The following FGGY variants were observed in gnomAD, a reference collection of about 807,000 sequenced individuals.
The protein encoded by FGGY is FGGY carbohydrate kinase domain containing.
In FGGY, 72 loss-of-function variants were observed where a neutral mutation model predicts 71.3. The observed-to-expected ratio is 1.01, with a 90% CI of 0.84 to 1.23. The LOEUF (loss-of-function observed/expected upper bound fraction) is 1.23, where lower values mean the gene tolerates loss of function less well. FGGY is among the 50% of genes most tolerant of loss of function. The probability of loss-of-function intolerance (pLI) is 0.00; values close to 1 mark genes in which losing one functional copy is unlikely to be tolerated. For missense variants in FGGY, 668 were observed against 682.3 expected (o/e 0.98, Z 0.23); for synonymous variants, 251 against 250.3 (o/e 1.00, Z -0.02).
At chr1:59,500,134 A>G (rs1443932079) in intron 6 of FGGY, among the ~76,000 whole-genome samples, 8 of 152,190 alleles carry the variant, frequency 5.3e-5, no homozygotes. Context: ...ATTGATAACC[A>G]CGTGAATTCT....
At chr1:59,755,717 G>C (rs2098284094) in intron 14 of FGGY, 1 of 152,198 alleles carries the variant, frequency 6.6e-6, no homozygotes, top group African/African-American at 2.4e-5. Flanking sequence ...CCGTTTATGT[G>C]CACATCTGTT....
intron 6 of FGGY, among the ~76,000 whole-genome samples, chr1:59,491,520 A>G (rs2093862637): frequency 6.6e-6 from 1 of 151,914 alleles, no homozygotes. Flanking sequence ...TTTGTTGTTC[A>G]TGTATAAAAA....
chr1:59,370,176 G>A (rs2057346949), intron 4 of FGGY, among the ~76,000 whole-genome samples: 1 of 152,132 alleles, frequency 6.6e-6, no homozygotes, highest in Admixed American at 6.5e-5. Flanking sequence ...AAAAAATCTA[G>A]ATGAATGTAT....
At chr1:59,516,908 G>A (rs2094669953) in intron 7 of FGGY, among the ~76,000 whole-genome samples, 1 of 152,162 alleles carries the variant, frequency 6.6e-6, no homozygotes, top group Admixed American at 6.5e-5. Context: ...GGCCTGGGAT[G>A]GGAGGATAAA....
chr1:59,340,200 C>T, intron 3 of FGGY, 131 bp downstream of exon 3: 1 of 641,810 alleles, frequency 1.6e-6, no homozygotes, highest in East Asian at 2.7e-5. Context: ...TGAAGTGACA[C>T]AGATCATGTT....
At chr1:59,540,086 G>T (rs938267266) in intron 7 of FGGY, among the ~76,000 whole-genome samples, 2 of 152,166 alleles carry the variant, frequency 1.3e-5, no homozygotes, top group African/African-American at 4.8e-5. Context: ...ACACCCTGCA[G>T]GTTGGCTAAA....
chr1:59,554,042 T>C, intron 7 of FGGY, 82 bp from the exon 8 acceptor site: 1 of 1,108,730 alleles, frequency 9.0e-7, no homozygotes, highest in Admixed American at 2.2e-5. Context: ...AAAAAGAAGA[T>C]TTGTTAATGC....
At chr1:59,677,374 A>G (rs766094737) in intron 14 of FGGY, among the ~76,000 whole-genome samples, 20 of 152,206 alleles carry the variant, frequency 1.3e-4, no homozygotes, top group African/African-American at 4.6e-4. Context: ...CAGATGTTTT[A>G]TCTTCTCATG....
At chr1:59,651,084 G>A (rs1157007775) in intron 11 of FGGY, among the ~76,000 whole-genome samples, 2 of 151,450 alleles carry the variant, frequency 1.3e-5, no homozygotes, top group Non-Finnish European at 1.5e-5. Context: ...TTAATCCTGA[G>A]TTCTAGTTTG....
chr1:59,389,245 T>C (rs2060426025), intron 5 of FGGY, among the ~76,000 whole-genome samples: 1 of 152,192 alleles, frequency 6.6e-6, no homozygotes, highest in South Asian at 2.1e-4. Flanking sequence ...CCCTCTCCCC[T>C]CTTAAACTCT....
At chr1:59,641,438 A>G (rs1435572489) in intron 11 of FGGY, 2 of 1,108,226 alleles carry the variant, frequency 1.8e-6, no homozygotes, top group Non-Finnish European at 2.7e-6. Flanking sequence ...TGCTAAACCC[A>G]GGTAATACAA....
At chr1:59,432,763 G>A (rs2067641062) in intron 5 of FGGY, among the ~76,000 whole-genome samples, 1 of 152,170 alleles carries the variant, frequency 6.6e-6, no homozygotes, top group Non-Finnish European at 1.5e-5. Flanking sequence ...TGTAATAGTA[G>A]TAGGAAGAAG....
chr1:59,468,415 A>G (rs1237825494), intron 6 of FGGY, among the ~76,000 whole-genome samples: 1 of 152,208 alleles, frequency 6.6e-6, no homozygotes, highest in African/African-American at 2.4e-5. Flanking sequence ...AATCTCTCAG[A>G]GACTTTTCTA....
At chr1:59,523,281 A>G (rs2094886800) in intron 7 of FGGY, among the ~76,000 whole-genome samples, 2 of 152,226 alleles carry the variant, frequency 1.3e-5, no homozygotes, top group Admixed American at 1.3e-4. Context: ...AAAACTCAAC[A>G]GATAGTGCTT....
chr1:59,593,029 G>A (rs2096474332), intron 8 of FGGY, among the ~76,000 whole-genome samples: 1 of 151,860 alleles, frequency 6.6e-6, no homozygotes, highest in Non-Finnish European at 1.5e-5. Flanking sequence ...TGATGATGGG[G>A]TAAAATAGAA....
At chr1:59,704,743 T>C (rs2097740861) in intron 14 of FGGY, among the ~76,000 whole-genome samples, 1 of 152,144 alleles carries the variant, frequency 6.6e-6, no homozygotes. Flanking sequence ...ACAAAGATTA[T>C]TGTTGGTGTA....
intron 8 of FGGY, among the ~76,000 whole-genome samples, chr1:59,559,667 T>C (rs1460960753): frequency 1.3e-5 from 2 of 152,050 alleles, no homozygotes; most frequent in Non-Finnish European, 2.9e-5. Flanking sequence ...GAATAGGAAA[T>C]ATACAAGATG....
chr1:59,563,001 G>A (rs943611538), intron 8 of FGGY, among the ~76,000 whole-genome samples: 40 of 152,228 alleles, frequency 2.6e-4, no homozygotes, highest in Non-Finnish European at 4.3e-4. Flanking sequence ...TTAAGGCTGA[G>A]ATGATGGGGT....
chr1:59,350,003 A>G (rs944458297), intron 4 of FGGY, among the ~76,000 whole-genome samples: 1 of 151,910 alleles, frequency 6.6e-6, no homozygotes. Flanking sequence ...CCTGAAAAGC[A>G]TCCACTTTTG....
Sources: gnomAD v4.1 joint callset for allele counts (sites outside exome capture counted in the v4.1 genomes callset) on GRCh38, gnomAD v4.1.1 for gene constraint, MANE v1.5 for transcripts, NCBI Gene and HGNC (gene_info 2026-07-23, HGNC 2026-07-21) for gene names.